FMN1: variants seen among roughly 807,000 people sequenced by gnomAD.
The protein encoded by FMN1 is formin-1.
In FMN1, 110 loss-of-function variants were observed where a neutral mutation model predicts 132.4. The ratio of observed to expected loss-of-function variants is 0.83; its 90% CI spans 0.71 to 0.97. The LOEUF is 0.97. Among genes scored for constraint, FMN1 ranks in the 50% least tolerant of loss-of-function variants. The pLI is 0.00. For missense variants in FMN1, 1,792 were observed against 1,705.3 expected (o/e 1.05, Z -0.90); for synonymous variants, 722 against 651.7 (o/e 1.11, Z -1.64).
At chr15:33,056,477 AGT>A (rs2037221624) in intron 6 of FMN1, among the ~76,000 whole-genome samples, 1 of 152,216 alleles carries the variant, frequency 6.6e-6, no homozygotes, top group South Asian at 2.1e-4. Flanking sequence ...GTTACAGCTC[AGT>A]GTTTCCCTTA....
intron 5 of FMN1, among the ~76,000 whole-genome samples, chr15:33,086,167 C>T (rs2038683634): frequency 6.6e-6 from 1 of 151,594 alleles, no homozygotes; most frequent in South Asian, 2.1e-4. Flanking sequence ...AGGAGAATCG[C>T]TTAAACCCAG....
At chr15:33,053,499 G>GA (rs1257651268) in intron 6 of FMN1, among the ~76,000 whole-genome samples, 1 of 152,138 alleles carries the variant, frequency 6.6e-6, no homozygotes, top group Non-Finnish European at 1.5e-5. Context: ...GCAAGTTCGG[G>GA]AAAGGGGCCA....
chr15:32,979,080 G>C (rs564035700), intron 7 of FMN1, among the ~76,000 whole-genome samples: 1 of 152,190 alleles, frequency 6.6e-6, no homozygotes, highest in Non-Finnish European at 1.5e-5. Flanking sequence ...CTGGGAGCAA[G>C]AAGGGGCTCA....
intron 7 of FMN1, among the ~76,000 whole-genome samples, chr15:32,971,114 C>A (rs1294307249): frequency 6.6e-6 from 1 of 152,178 alleles, no homozygotes; most frequent in Non-Finnish European, 1.5e-5. Flanking sequence ...GCCTGAGTAT[C>A]TTCAAGTGTA....
intron 9 of FMN1, among the ~76,000 whole-genome samples, chr15:32,934,134 G>A (rs745655851): frequency 6.6e-6 from 1 of 151,750 alleles, no homozygotes; most frequent in African/African-American, 2.4e-5. Context: ...ATCTCCTATA[G>A]GCATTTTCTT....
In FMN1 at chr15:32,769,911, A is replaced by T. The variant is rs1199698223; in HGVS notation, c.*4399T>A. On this transcript the variant is annotated 3_prime_UTR_variant, in exon 21 of 21. Transcript: ENST00000616417. ...TTTCTTTCCTCTCCACTTTTTGGCCATTTTTGTTTTTATTAGGACAGACAG... is the reference window on the plus strand; with the variant it reads ...TTTCTTTCCTCTCCACTTTTTGGCCTTTTTTGTTTTTATTAGGACAGACAG... 1 of 152,176 alleles carries T rather than the reference A, an allele frequency of 6.6e-6. No homozygotes were observed. Among genetic ancestry groups the T allele is most frequent in the Non-Finnish European group, 1.5e-5 (1 of 68,026 alleles). The allele number at this position is 152,176 out of a possible 1,614,324, so 9.4% of individuals were successfully genotyped here.
chr15:32,868,239 G>T (rs1485984666), intron 16 of FMN1, among the ~76,000 whole-genome samples: 1 of 152,136 alleles, frequency 6.6e-6, no homozygotes, highest in East Asian at 1.9e-4. Context: ...CCTTTGTTTA[G>T]ATACACAAAT....
At chr15:32,878,881 G>T (rs2059698795) in intron 16 of FMN1, among the ~76,000 whole-genome samples, 1 of 152,126 alleles carries the variant, frequency 6.6e-6, no homozygotes. Context: ...TTATAAAATA[G>T]AGGGTAGAAA....
chr15:33,137,087 C>CAAAAAAAAAAAA (rs3082373), intron 4 of FMN1, among the ~76,000 whole-genome samples: 1 of 52,424 alleles, frequency 1.9e-5, no homozygotes, highest in Non-Finnish European at 3.3e-5. Context: ...GACCCCGTCT[C>CAAAAAAAAAAAA]AAAAAAAAAA....
intron 10 of FMN1, among the ~76,000 whole-genome samples, chr15:32,914,662 C>A (rs2060642019): frequency 1.3e-5 from 2 of 152,158 alleles, no homozygotes; most frequent in Admixed American, 1.3e-4. Flanking sequence ...TTGTAATGGG[C>A]AAGAGGTAGC....
At chr15:32,998,796 G>A (rs1323740950) in intron 7 of FMN1, among the ~76,000 whole-genome samples, 1 of 152,226 alleles carries the variant, frequency 6.6e-6, no homozygotes, top group African/African-American at 2.4e-5. Context: ...GATGGTGCAT[G>A]AAGGAAATGT....
intron 3 of FMN1, among the ~76,000 whole-genome samples, chr15:33,166,699 C>T (rs889330451): frequency 6.6e-6 from 1 of 152,118 alleles, no homozygotes; most frequent in Non-Finnish European, 1.5e-5. Context: ...CTTCTGTTTA[C>T]CATGAGGATC....
chr15:32,910,125 C>A (rs1596251049), intron 11 of FMN1, among the ~76,000 whole-genome samples: 1 of 152,304 alleles, frequency 6.6e-6, no homozygotes, highest in South Asian at 2.1e-4. Flanking sequence ...ATTAGCAGTC[C>A]CATTCTTCAG....
chr15:33,023,791 CAT>C (rs2035535681), intron 6 of FMN1, among the ~76,000 whole-genome samples: 6 of 152,192 alleles, frequency 3.9e-5, no homozygotes, highest in Admixed American at 3.9e-4. Context: ...CATATGGAAA[CAT>C]AATACGTGAT....
chr15:33,054,985 T>C (rs36094033), intron 6 of FMN1, among the ~76,000 whole-genome samples: 3,753 of 152,174 alleles, frequency 0.025, 65 homozygotes, highest in African/African-American at 0.03. Context: ...CCTGCAACCA[T>C]CTGAATGGAC....
chr15:33,034,717 C>T (rs2036110400), intron 6 of FMN1, among the ~76,000 whole-genome samples: 1 of 152,162 alleles, frequency 6.6e-6, no homozygotes, highest in Non-Finnish European at 1.5e-5. Flanking sequence ...ACAGTCCAAG[C>T]CACCACCTCC....
intron 11 of FMN1, 105 bp from the exon 12 acceptor site, chr15:32,908,683 C>A: frequency 1.5e-6 from 1 of 678,194 alleles, no homozygotes; most frequent in South Asian, 1.9e-5. Flanking sequence ...GGTTCCTAGA[C>A]TAGCAGCATC....
At chr15:33,050,105 A>G (rs1000691795) in intron 6 of FMN1, among the ~76,000 whole-genome samples, 3 of 152,222 alleles carry the variant, frequency 2.0e-5, no homozygotes, top group African/African-American at 7.2e-5. Context: ...ACTGTTGGCT[A>G]AAGTGTGTTC....
intron 4 of FMN1, among the ~76,000 whole-genome samples, chr15:33,119,437 T>C (rs755910074): frequency 6.6e-6 from 1 of 152,196 alleles, no homozygotes; most frequent in Non-Finnish European, 1.5e-5. Flanking sequence ...GTGCCTCCCC[T>C]GCTCCATCGC....
Sources: allele counts gnomAD v4.1 joint callset (sites outside exome capture counted in the v4.1 genomes callset), GRCh38; gene constraint gnomAD v4.1.1; transcripts MANE v1.5; gene names NCBI Gene and HGNC (gene_info 2026-07-23, HGNC 2026-07-21).